The following OSMR variants were observed in gnomAD, a reference collection of about 807,000 sequenced individuals.
OSMR encodes oncostatin M receptor.
In OSMR, 81 loss-of-function variants were observed where a neutral mutation model predicts 99.9. That is an observed-to-expected ratio of 0.81 (90% CI 0.68 to 0.97). The LOEUF is 0.97. OSMR is among the 50% of genes least tolerant of loss of function. OSMR has a pLI of 0.00. For synonymous variants in OSMR, 406 were observed against 410.4 expected (o/e 0.99, Z 0.13); for missense variants, 1,099 against 1,153.4 (o/e 0.95, Z 0.68).
In OSMR at chr5:38,933,407, C is replaced by T. The variant is rs2112711997; in HGVS notation, c.2903C>T (p.Ser968Leu). 1.2e-6 allele frequency: 2 copies of T among 1,614,116 alleles called. No individual in the cohort carries two copies. Among genetic ancestry groups the T allele is most frequent in the Non-Finnish European group, 1.7e-6 (2 of 1,179,976 alleles). The change falls in exon 18 of 18, where the codon TCA becomes TTA. Residue 968 changes from serine (S) to leucine (L), a missense_variant. By Grantham distance (145) the Ser-to-Leu change is moderately radical. Transcript: ENST00000274276. Reference protein sequence around the residue: ...PPPTENSSLSSITLLDPGEHY... With the variant: ...PPPTENSSLSLITLLDPGEHY... The stretch of plus-strand genomic sequence containing the variant: ...CCGACCGAGAATAGCAGCCTCTCCT[C>T]AATTACCCTTTTAGATCCAGGTGAA...
intron 7 of OSMR, among the ~76,000 whole-genome samples, chr5:38,892,917 C>A (rs1744252353): frequency 6.6e-6 from 1 of 152,128 alleles, no homozygotes; most frequent in African/African-American, 2.4e-5. Flanking sequence ...TTCTTCTAGC[C>A]ACCCTTGCCA....
chr5:38,933,479 A>T lies in OSMR; in HGVS notation c.*35A>T, dbSNP rs1561417394. ...CGATTTCATACCTTATGCTACACAG[A>T]CATTAAGAAGAGCAGAGCTGGCACC... is the stretch of plus-strand genomic sequence containing the variant. On this transcript the variant is annotated 3_prime_UTR_variant, in exon 18 of 18. Coordinates refer to ENST00000274276, the MANE Select transcript of OSMR (RefSeq NM_003999.3). 2 of 1,612,872 alleles carry T rather than the reference A, an allele frequency of 1.2e-6. No individual in the cohort carries two copies. The highest frequency in any genetic ancestry group is 1.7e-6 in the Non-Finnish European group (2 of 1,179,282).
chr5:38,912,192 C>A (rs1212636757), intron 9 of OSMR, among the ~76,000 whole-genome samples: 1 of 152,212 alleles, frequency 6.6e-6, no homozygotes, highest in African/African-American at 2.4e-5. Flanking sequence ...TGCATAAAAG[C>A]TCCTAGATCT....
At chr5:38,939,424 T>C (rs1747295357), downstream of OSMR, 1 of 232,158 alleles carries the variant, frequency 4.3e-6, no homozygotes, top group African/African-American at 2.2e-5. Context: ...TAATCGTTAT[T>C]AGAAAAAATT....
At position 38,917,624 on chromosome 5, in the gene OSMR, T is replaced by C; in HGVS notation, c.1362+2T>C. 3 of 1,610,368 alleles carry C rather than the reference T, an allele frequency of 1.9e-6. No individual in the cohort carries two copies. Among genetic ancestry groups the C allele is most frequent in the Non-Finnish European group, 2.5e-6 (3 of 1,176,726 alleles). ...CATACTGTGACCTTATTCTGGAAGG[T>C]AAGATGTGCAGATTCCAAAAGTCTG... is the stretch of plus-strand genomic sequence containing the variant. On this transcript the variant is annotated splice_donor_variant, in intron 10 of 17. Coordinates refer to ENST00000274276, the MANE Select transcript of OSMR (RefSeq NM_003999.3). LOFTEE classifies it high-confidence loss of function.
At chr5:38,891,773 A>G (rs920799957) in intron 7 of OSMR, among the ~76,000 whole-genome samples, 6 of 152,216 alleles carry the variant, frequency 3.9e-5, no homozygotes, top group African/African-American at 4.8e-5. Flanking sequence ...TGTAGCCCCA[A>G]TAGCGGCCAT....
intron 9 of OSMR, among the ~76,000 whole-genome samples, chr5:38,913,549 C>CAAAAAAAAAAAAA (rs528979345): frequency 8.1e-6 from 1 of 123,646 alleles, no homozygotes; most frequent in African/African-American, 2.9e-5. Flanking sequence ...GACTCCATCT[C>CAAAAAAAAAAAAA]AAAAAAAAAA....
At chr5:38,862,314 C>T (rs2937444) in intron 1 of OSMR, among the ~76,000 whole-genome samples, 8,399 of 44,704 alleles carry the variant, frequency 0.19, 2,204 homozygotes, top group Admixed American at 0.25. Context: ...ACCTCCCTCC[C>T]GGACGGGGTG....
At chr5:38,921,556 A>G in intron 11 of OSMR, 59 bp from the exon 12 acceptor site, 1 of 1,612,156 alleles carries the variant, frequency 6.2e-7, no homozygotes, top group Non-Finnish European at 8.5e-7. Context: ...TACCTTACAC[A>G]CTTAAAACAA....
intron 2 of OSMR, among the ~76,000 whole-genome samples, chr5:38,872,583 A>G (rs1045319765): frequency 2.0e-5 from 3 of 152,222 alleles, no homozygotes; most frequent in Admixed American, 1.3e-4. Context: ...TGAATCAGAT[A>G]GCTTAAGGAA....
downstream of OSMR, chr5:38,939,862 A>G (rs1285128180): frequency 4.5e-6 from 1 of 224,490 alleles, no homozygotes; most frequent in Non-Finnish European, 8.9e-6. Flanking sequence ...CTTCTGCTAT[A>G]ATTTAATATT....
chr5:38,925,059 ATGATT>A, intron 14 of OSMR, 140 bp from the exon 15 acceptor site: 1 of 1,492,626 alleles, frequency 6.7e-7, no homozygotes, highest in Non-Finnish European at 8.9e-7. Flanking sequence ...TGATGAAATT[ATGATT>A]TGATTTTTGT....
At chr5:38,944,993 A>C (rs1298392165) in exon 3 of OSMR, 10 of 1,613,398 alleles carry the variant, frequency 6.2e-6, no homozygotes, top group Non-Finnish European at 8.5e-6. Flanking sequence ...AATCCCCGAA[A>C]ACTTAGAGGG....
intron 15 of OSMR, among the ~76,000 whole-genome samples, chr5:38,929,711 A>G (rs1746633200): frequency 6.6e-6 from 1 of 152,168 alleles, no homozygotes; most frequent in Non-Finnish European, 1.5e-5. Flanking sequence ...TCCTAGGTAT[A>G]TATGCCCCCA....
intron 1 of OSMR, among the ~76,000 whole-genome samples, chr5:38,861,594 C>T (rs962292270): frequency 3.3e-5 from 5 of 152,362 alleles, no homozygotes; most frequent in African/African-American, 1.2e-4. Context: ...TCCACAAAAC[C>T]GCCATTGTCA....
At chr5:38,916,689 G>C (rs1276781675) in intron 9 of OSMR, among the ~76,000 whole-genome samples, 3 of 152,158 alleles carry the variant, frequency 2.0e-5, no homozygotes, top group African/African-American at 7.2e-5. Context: ...TGCAGATTTA[G>C]ATGCAAAATC....
chr5:38,900,470 G>A (rs1261419619), intron 7 of OSMR, among the ~76,000 whole-genome samples: 1 of 152,130 alleles, frequency 6.6e-6, no homozygotes, highest in South Asian at 2.1e-4. Context: ...TGGGACAATC[G>A]ATGGAGCCTT....
rs199844167 is a variant in OSMR at position 38,923,170 on chromosome 5, C to T, written c.1786C>T (p.Arg596Ter). 39 of 1,612,700 alleles carry T rather than the reference C, an allele frequency of 2.4e-5. No homozygotes were observed. The highest frequency in any genetic ancestry group is 1.6e-4 in the Middle Eastern group (1 of 6,082). ...CCTAGATGCTTTTAGGCCAGGAGTT[C>T]GATATGACTTCAGAATTTATGGGTT... The part of the protein sequence containing the change: ...ISTDAFRPGV[R>*]YDFRIYGLST... Residue 596 changes from arginine (R) to a stop codon, truncating the protein, a stop_gained, in exon 13 of 18, where the codon CGA (arginine) becomes TGA (stop). Transcript: ENST00000274276. LOFTEE classifies it high-confidence loss of function.
rs752741412 is a variant in OSMR, at chr5:38,933,019, T to TATC, written c.2516_2518dup (p.Tyr839_Leu840insHis). The TATC allele has an allele frequency of 1.2e-6, 2 of 1,614,158 alleles. No individual in the cohort carries two copies. The highest frequency in any genetic ancestry group is 1.1e-5 in the South Asian group (1 of 91,078). On this transcript the variant is annotated inframe_insertion, in exon 18 of 18. Coordinates refer to ENST00000274276, the MANE Select transcript of OSMR (RefSeq NM_003999.3). ...CGAGTTGACTAAGCCTAACTACCTT[T>TATC]ATCTCCTTCCAACAGAAAAGAATCA...
Sources: gnomAD v4.1 joint callset for allele counts (sites outside exome capture counted in the v4.1 genomes callset) on GRCh38, gnomAD v4.1.1 for gene constraint, MANE v1.5 for transcripts, NCBI Gene and HGNC (gene_info 2026-07-23, HGNC 2026-07-21) for gene names.